IRAK1BP1: variants seen among roughly 807,000 people sequenced by gnomAD.
IRAK1BP1 encodes interleukin-1 receptor-associated kinase 1-binding protein 1.
A neutral mutation model predicts 28.0 loss-of-function variants in IRAK1BP1; 24 were observed. That is an observed-to-expected ratio of 0.86 (90% CI 0.62 to 1.20). The LOEUF (loss-of-function observed/expected upper bound fraction) is 1.20, where lower values mean the gene tolerates loss of function less well. Ranked by LOEUF, IRAK1BP1 falls within the 50% of genes most tolerant of loss-of-function variation. IRAK1BP1 has a pLI of 0.00. For synonymous variants in IRAK1BP1, 131 were observed against 116.3 expected, an observed-to-expected ratio of 1.13 and a Z score of -0.81; for missense variants, 336 against 316.7, an observed-to-expected ratio of 1.06 and a Z score of -0.46.
At chr6:78,959,597 T>C in the IRAK1BP1 span, among the ~76,000 whole-genome samples, 964 of 152,258 alleles carry the variant, frequency 6.3e-3, 19 homozygotes, top group African/African-American at 0.022. Context: ...TACATTGTAT[T>C]GAATGTAATA....
At chr6:78,880,817 C>T (rs1280842474) in intron 1 of IRAK1BP1, among the ~76,000 whole-genome samples, 4 of 152,130 alleles carry the variant, frequency 2.6e-5, no homozygotes, top group Non-Finnish European at 5.9e-5. Flanking sequence ...GAAAATAAAA[C>T]CACAATGAAA....
chr6:78,894,757 C>T (rs2042189868), intron 2 of IRAK1BP1, among the ~76,000 whole-genome samples: 1 of 152,148 alleles, frequency 6.6e-6, no homozygotes, highest in South Asian at 2.1e-4. Context: ...CAGCAGCCTA[C>T]ACATTCCTTT....
chr6:78,970,124 G>C, the IRAK1BP1 span: 1 of 1,611,848 alleles, frequency 6.2e-7, no homozygotes, highest in Non-Finnish European at 8.5e-7. Flanking sequence ...GCAAAGGGTA[G>C]GTAATCCCAC....
intron 4 of IRAK1BP1, chr6:78,941,120 T>C (rs774717285): frequency 6.2e-7 from 1 of 1,614,044 alleles, no homozygotes; most frequent in Non-Finnish European, 8.5e-7. Flanking sequence ...TCTGATGGGA[T>C]GCACATTATT....
At chr6:78,945,212 GA>G in intron 4 of IRAK1BP1, 1 of 999,344 alleles carries the variant, frequency 1.0e-6, no homozygotes, top group Non-Finnish European at 1.6e-6. Flanking sequence ...TGGGCAACCT[GA>G]AAAGTGGATA....
intron 4 of IRAK1BP1, among the ~76,000 whole-genome samples, chr6:78,910,454 C>G (rs929753189): frequency 6.6e-6 from 1 of 152,182 alleles, no homozygotes; most frequent in African/African-American, 2.4e-5. Flanking sequence ...GTAAACTATT[C>G]ATGGAAAACA....
At chr6:78,940,548 GTTTTTTTTTT>G (rs36155238) in intron 4 of IRAK1BP1, 11 of 82,716 alleles carry the variant, frequency 1.3e-4, no homozygotes, top group South Asian at 4.6e-4. Context: ...TCGTAAGTTT[GTTTTTTTTTT>G]TTTTTTTTTT....
At chr6:78,880,917 A>C (rs554023125) in intron 1 of IRAK1BP1, among the ~76,000 whole-genome samples, 2 of 152,318 alleles carry the variant, frequency 1.3e-5, no homozygotes, top group East Asian at 3.9e-4. Flanking sequence ...ATTCTCGTTC[A>C]TTGCTGGTGA....
Position 78,867,821 on chromosome 6 carries a change from C to T in IRAK1BP1, c.245C>T (p.Ala82Val). 3 of 1,612,566 alleles carry T rather than the reference C, an allele frequency of 1.9e-6. No individual in the cohort carries two copies. The highest frequency in any genetic ancestry group is 1.7e-5 in the Admixed American group (1 of 59,774). ...GTGAGCAGCACCAAGGAGGCGGCAG[C>T]CGAGGCCAAAAAGAGCGTTTGTCGC... is the stretch of plus-strand genomic sequence containing the variant. The part of the protein sequence containing the change: ...VRVSSTKEAA[A>V]EAKKSVCRRL... Residue 82 changes from alanine (A) to valine (V), a missense_variant, in exon 1 of 4, where the codon GCC becomes GTC. Ala to Val is a moderately conservative substitution (Grantham distance 64, BLOSUM62 0). Coordinates refer to ENST00000369940, the MANE Select transcript of IRAK1BP1 (RefSeq NM_001010844.4).
intron 4 of IRAK1BP1, among the ~76,000 whole-genome samples, chr6:78,934,064 A>C (rs965034585): frequency 6.6e-6 from 1 of 152,168 alleles, no homozygotes; most frequent in Non-Finnish European, 1.5e-5. Context: ...CGGTAGGGTA[A>C]CTAATTGGTT....
At chr6:78,972,429 A>G in the IRAK1BP1 span, among the ~76,000 whole-genome samples, 2 of 152,232 alleles carry the variant, frequency 1.3e-5, no homozygotes, top group Non-Finnish European at 2.9e-5. Flanking sequence ...AGATGGGGAA[A>G]AAACAGAACA....
chr6:78,966,896 T>C, the IRAK1BP1 span, among the ~76,000 whole-genome samples: 1 of 152,234 alleles, frequency 6.6e-6, no homozygotes, highest in Non-Finnish European at 1.5e-5. Context: ...CGTATCTGTA[T>C]AACTTTGAAT....
chr6:78,940,973 A>C, intron 4 of IRAK1BP1: 2 of 1,613,820 alleles, frequency 1.2e-6, no homozygotes, highest in Non-Finnish European at 1.7e-6. Context: ...AGGGACTAGG[A>C]GATCTGCATC....
At chr6:78,931,871 C>T (rs1047677083) in intron 4 of IRAK1BP1, among the ~76,000 whole-genome samples, 3 of 152,094 alleles carry the variant, frequency 2.0e-5, no homozygotes, top group Non-Finnish European at 4.4e-5. Context: ...CTCTTCCTTT[C>T]GCAAAAGATT....
chr6:78,880,867 C>T (rs768782621), intron 1 of IRAK1BP1, among the ~76,000 whole-genome samples: 12 of 152,130 alleles, frequency 7.9e-5, no homozygotes, highest in Non-Finnish European at 1.5e-4. Flanking sequence ...AATACAGTAA[C>T]ACTGATACCA....
At chr6:78,891,463 ATTT>A (rs201905833) in intron 2 of IRAK1BP1, among the ~76,000 whole-genome samples, 5 of 145,584 alleles carry the variant, frequency 3.4e-5, no homozygotes, top group Admixed American at 2.7e-4. Context: ...GTTTAGAGGA[ATTT>A]TTTTTTTTTT....
chr6:78,919,153 GA>G (rs1398782592), intron 4 of IRAK1BP1, among the ~76,000 whole-genome samples: 1 of 151,908 alleles, frequency 6.6e-6, no homozygotes, highest in African/African-American at 2.4e-5. Context: ...TAAAATAAAG[GA>G]AAACAGAAAT....
chr6:78,939,776 A>T (rs1773397173), intron 4 of IRAK1BP1: 1 of 152,310 alleles, frequency 6.6e-6, no homozygotes, highest in Non-Finnish European at 1.5e-5. Context: ...TAACCACTTA[A>T]ACATTTCCTC....
intron 4 of IRAK1BP1, among the ~76,000 whole-genome samples, chr6:78,929,833 C>T (rs968506673): frequency 1.3e-5 from 2 of 152,052 alleles, no homozygotes; most frequent in African/African-American, 2.4e-5. Context: ...TTATATTGGT[C>T]CACTGAACAT....
Sources: allele counts gnomAD v4.1 joint callset (sites outside exome capture counted in the v4.1 genomes callset), GRCh38; gene constraint gnomAD v4.1.1; transcripts MANE v1.5; gene names NCBI Gene and HGNC (gene_info 2026-07-23, HGNC 2026-07-21).